GULP1: variants seen among roughly 807,000 people sequenced by gnomAD.
GULP1 encodes the protein GULP PTB domain containing engulfment adaptor 1.
A neutral mutation model predicts 40.9 loss-of-function variants in GULP1; 19 were observed. That is an observed-to-expected ratio of 0.46 (90% CI 0.32 to 0.68). The LOEUF is 0.68. GULP1 is among the 30% of genes least tolerant of loss of function. GULP1 has a pLI of 0.03. For missense variants in GULP1, 312 were observed against 362.2 expected, an observed-to-expected ratio of 0.86 and a Z score of 1.12; for synonymous variants, 119 against 117.6, an observed-to-expected ratio of 1.01 and a Z score of -0.08.
At chr2:188,355,214 A>G (rs2045115992) in intron 1 of GULP1, among the ~76,000 whole-genome samples, 1 of 152,132 alleles carries the variant, frequency 6.6e-6, no homozygotes, top group Admixed American at 6.5e-5. Context: ...ATTGAGACTA[A>G]AAAATAAAAA....
At chr2:188,463,857 T>A (rs896032551) in intron 2 of GULP1, among the ~76,000 whole-genome samples, 1 of 152,186 alleles carries the variant, frequency 6.6e-6, no homozygotes, top group African/African-American at 2.4e-5. Flanking sequence ...TGATTCTTTT[T>A]AATTATTTCA....
At chr2:188,515,385 A>T (rs550436224) in intron 4 of GULP1, among the ~76,000 whole-genome samples, 1 of 152,076 alleles carries the variant, frequency 6.6e-6, no homozygotes, top group East Asian at 1.9e-4. Context: ...TTTCATTGAG[A>T]CCTTTGTGCC....
Position 188,292,576 on chromosome 2 carries a change from C to A in GULP1, c.-172+410C>A, listed in dbSNP as rs1376802802. Among the ~76,000 whole-genome samples, 1 of 152,072 alleles carries A rather than the reference C, an allele frequency of 6.6e-6. No homozygotes were observed. The highest frequency in any genetic ancestry group is 2.4e-5 in the African/African-American group (1 of 41,412). Reference sequence around the variant, plus strand: ...GCGGTGGGGAAACCGTGGATCCGTCCGGCTGAGGGTGCGTGGATCAGACTG... The same window carrying A: ...GCGGTGGGGAAACCGTGGATCCGTCAGGCTGAGGGTGCGTGGATCAGACTG... On this transcript the variant is annotated intron_variant, in intron 1 of 11. Coordinates refer to ENST00000409830, the MANE Select transcript of GULP1 (RefSeq NM_016315.4). This position sits in a 1 kb window ranked among gnomAD's most constrained non-coding sequence, Gnocchi z 4.0.
chr2:188,401,852 G>A lies in GULP1; in HGVS notation c.-45+17963G>A, dbSNP rs191248654. Among the ~76,000 whole-genome samples the A allele has an allele frequency of 3.7e-4, 57 of 152,250 alleles. 1 individual carries two copies. Among genetic ancestry groups the A allele is most frequent in the Middle Eastern group, 3.4e-3 (1 of 294 alleles). On this transcript the variant is annotated intron_variant, in intron 2 of 11. Coordinates refer to ENST00000409830, the MANE Select transcript of GULP1 (RefSeq NM_016315.4). ...GATCATTTTATGTAAGTTGTCATTAGTAATAATGCCAGGTTGCCTTATGTA... is the reference window on the plus strand; with the variant it reads ...GATCATTTTATGTAAGTTGTCATTAATAATAATGCCAGGTTGCCTTATGTA...
At chr2:188,512,259 C>T (rs982792233) in intron 4 of GULP1, among the ~76,000 whole-genome samples, 25 of 151,780 alleles carry the variant, frequency 1.6e-4, no homozygotes, top group Admixed American at 4.6e-4. Context: ...AAGATATATA[C>T]GCATTTTTAA....
intron 1 of GULP1, among the ~76,000 whole-genome samples, chr2:188,378,909 G>C (rs1037146549): frequency 2.0e-5 from 3 of 151,974 alleles, no homozygotes; most frequent in African/African-American, 4.8e-5. Flanking sequence ...CTGGGTAGAA[G>C]GTGTCTAAAT....
chr2:188,396,066 G>A (rs2051207312), intron 2 of GULP1, among the ~76,000 whole-genome samples: 1 of 152,198 alleles, frequency 6.6e-6, no homozygotes, highest in African/African-American at 2.4e-5. Context: ...GTGTTATTCT[G>A]CCTGCAGATG....
At chr2:188,514,040 A>AGTGTGTGT (rs1164481151) in intron 4 of GULP1, among the ~76,000 whole-genome samples, 10,727 of 122,910 alleles carry the variant, frequency 0.087, 648 homozygotes, top group Middle Eastern at 0.14. Context: ...TCCCCTTCTG[A>AGTGTGTGT]GTGTGTGTGT....
intron 1 of GULP1, among the ~76,000 whole-genome samples, chr2:188,380,051 C>T (rs550490413): frequency 7.9e-5 from 12 of 152,248 alleles, no homozygotes; most frequent in African/African-American, 2.9e-4. Flanking sequence ...AACAATTGGG[C>T]ATTCAATAGC....
intron 2 of GULP1, among the ~76,000 whole-genome samples, chr2:188,434,808 A>G (rs557642547): frequency 6.6e-6 from 1 of 151,858 alleles, no homozygotes; most frequent in South Asian, 2.1e-4. Flanking sequence ...CATTTTGAAA[A>G]ATTAGGCTAG....
chr2:188,320,643 A>G (rs2039833023), intron 1 of GULP1, among the ~76,000 whole-genome samples: 1 of 152,174 alleles, frequency 6.6e-6, no homozygotes. Context: ...AAAAAAATAA[A>G]ACAAACAGGC....
chr2:188,457,738 T>TAA (rs2059382559), intron 2 of GULP1, among the ~76,000 whole-genome samples: 3 of 152,212 alleles, frequency 2.0e-5, no homozygotes, highest in Non-Finnish European at 4.4e-5. Context: ...CCTTTTTTCT[T>TAA]TCTTACTTGT....
At chr2:188,389,474 C>A (rs557014897) in intron 2 of GULP1, among the ~76,000 whole-genome samples, 38 of 152,018 alleles carry the variant, frequency 2.5e-4, no homozygotes, top group Non-Finnish European at 5.3e-4. Flanking sequence ...TTCCAGCAGT[C>A]ACAAAAATGG....
chr2:188,473,204 G>C (rs1321414936), intron 2 of GULP1, among the ~76,000 whole-genome samples: 1 of 151,996 alleles, frequency 6.6e-6, no homozygotes. Flanking sequence ...AAGTAGGGTG[G>C]AGTGACATAC....
intron 1 of GULP1, among the ~76,000 whole-genome samples, chr2:188,355,512 G>T (rs1164228736): frequency 6.6e-6 from 1 of 151,844 alleles, no homozygotes; most frequent in Non-Finnish European, 1.5e-5. Flanking sequence ...GACCAATAAT[G>T]ATGTGATTAA....
At chr2:188,340,483 A>C (rs1196378111) in intron 1 of GULP1, among the ~76,000 whole-genome samples, 1 of 152,202 alleles carries the variant, frequency 6.6e-6, no homozygotes, top group South Asian at 2.1e-4. Context: ...CAGCAGGAGC[A>C]AAACTCTGTG....
At chr2:188,523,388 C>A (rs192234816) in intron 5 of GULP1, among the ~76,000 whole-genome samples, 19 of 152,272 alleles carry the variant, frequency 1.2e-4, no homozygotes, top group Admixed American at 1.2e-3. Context: ...CCCCACATAT[C>A]CTAGTCAACA....
At chr2:188,316,133 GCT>G (rs1412479296) in intron 1 of GULP1, among the ~76,000 whole-genome samples, 2 of 152,088 alleles carry the variant, frequency 1.3e-5, no homozygotes, top group African/African-American at 4.8e-5. Context: ...AGAATGTATA[GCT>G]CTCTTTTTGC....
At chr2:188,507,779 A>G (rs1575668975) in intron 4 of GULP1, among the ~76,000 whole-genome samples, 2 of 151,990 alleles carry the variant, frequency 1.3e-5, no homozygotes, top group East Asian at 1.9e-4. Context: ...CTATGTAACA[A>G]TTAGATGCAC....
Sources: gnomAD v4.1 joint callset for allele counts (sites outside exome capture counted in the v4.1 genomes callset) on GRCh38, gnomAD v4.1.1 for gene constraint, Gnocchi (gnomAD v3.1) non-coding constraint, MANE v1.5 for transcripts, NCBI Gene and HGNC (gene_info 2026-07-23, HGNC 2026-07-21) for gene names.